The following SRGAP3 variants were observed in gnomAD, a reference collection of about 807,000 sequenced individuals.
SRGAP3 encodes SLIT-ROBO Rho GTPase activating protein 3, also known as SLIT-ROBO Rho GTPase-activating protein 3.
In SRGAP3, 39 loss-of-function variants were observed where a neutral mutation model predicts 121.1. The observed-to-expected ratio is 0.32, with a 90% CI of 0.25 to 0.42. The LOEUF (loss-of-function observed/expected upper bound fraction) is 0.42. Ranked by LOEUF, SRGAP3 falls within the 10% of genes least tolerant of loss-of-function variation. The pLI is 1.00. For missense variants in SRGAP3, 1,213 were observed against 1,470.6 expected, an observed-to-expected ratio of 0.82 and a Z score of 2.86; for synonymous variants, 601 against 570.0, an observed-to-expected ratio of 1.05 and a Z score of -0.77.
At chr3:9,108,914 T>C (rs1948518407) in intron 2 of SRGAP3, among the ~76,000 whole-genome samples, 2 of 152,116 alleles carry the variant, frequency 1.3e-5, no homozygotes, top group Admixed American at 1.3e-4. Flanking sequence ...TCTTGGAAAC[T>C]TCCTGGAAAA....
intron 3 of SRGAP3, among the ~76,000 whole-genome samples, chr3:9,308,444 G>C (rs762038121): frequency 1.3e-5 from 2 of 152,306 alleles, no homozygotes; most frequent in Admixed American, 6.5e-5. Context: ...TAAAGAGCTA[G>C]AAGGAGAACT....
intron 2 of SRGAP3, among the ~76,000 whole-genome samples, chr3:9,120,295 A>G (rs1414503416): frequency 6.6e-6 from 1 of 152,244 alleles, no homozygotes; most frequent in African/African-American, 2.4e-5. Context: ...GCTTTTCAAT[A>G]GAAGTGACAT....
intron 1 of SRGAP3, among the ~76,000 whole-genome samples, chr3:9,135,601 T>C (rs1475275650): frequency 6.6e-6 from 1 of 152,240 alleles, no homozygotes; most frequent in Non-Finnish European, 1.5e-5. Flanking sequence ...CCTTGGGCAG[T>C]CAACTCAGTA....
At chr3:9,148,242 G>GGGGCTGATTGAGCA (rs113692131) in intron 1 of SRGAP3, among the ~76,000 whole-genome samples, 25,144 of 151,934 alleles carry the variant, frequency 0.17, 2,477 homozygotes, top group African/African-American at 0.27. Context: ...TTTTATTTCA[G>GGGGCTGATTGAGCA]GGACTGGAAG....
chr3:9,076,222 T>C (rs771819364), intron 4 of SRGAP3, among the ~76,000 whole-genome samples: 3 of 151,914 alleles, frequency 2.0e-5, no homozygotes, highest in Admixed American at 6.6e-5. Flanking sequence ...GCACAGAAAA[T>C]TGTGGTTGTT....
chr3:9,031,462 G>A lies in SRGAP3; in HGVS notation c.1539+1188C>T, dbSNP rs188216918. Among the ~76,000 whole-genome samples the A allele has an allele frequency of 3.0e-3, 450 of 152,164 alleles. 2 individuals carry two copies. The highest frequency in any genetic ancestry group is 0.01 in the African/African-American group (420 of 41,490). ...ATCCTCTACGCTTTGGTCTTCTTAG[G>A]CATCCTACAGCAGCCCCTGACATCC... is the stretch of plus-strand genomic sequence containing the variant. On this transcript the variant is annotated intron_variant, in intron 12 of 21. Coordinates refer to ENST00000383836, the MANE Select transcript of SRGAP3 (RefSeq NM_014850.4).
At chr3:9,347,489 T>C (rs923370743) in intron 1 of SRGAP3, among the ~76,000 whole-genome samples, 1 of 152,222 alleles carries the variant, frequency 6.6e-6, no homozygotes, top group Admixed American at 6.5e-5. Context: ...GAGCTACCGA[T>C]GAGCCTAATC....
rs146287162 is a variant in SRGAP3 at position 8,990,581 on chromosome 3, C to T, written c.2817G>A (p.Ser939=). The T allele has an allele frequency of 2.9e-4, 463 of 1,594,028 alleles. 3 individuals carry two copies. In the African/African-American group the frequency reaches 4.4e-3, roughly 15 times the overall value. Reference sequence around the variant, plus strand: ...TGCTGTGCCTGGTGGAACCGCAGGTCGACCTCATCGAGTGCCCTTCGGAGA... The same window carrying T: ...TGCTGTGCCTGGTGGAACCGCAGGTTGACCTCATCGAGTGCCCTTCGGAGA... ...KALSEGHSMR[S]TCGSTRHSSL... Residue 939 remains serine (S), a synonymous_variant, in exon 21 of 22, where the codon TCG becomes TCA. Transcript: ENST00000383836.
At chr3:9,203,622 G>A (rs1452891668) in intron 1 of SRGAP3, among the ~76,000 whole-genome samples, 5 of 152,158 alleles carry the variant, frequency 3.3e-5, no homozygotes, top group Non-Finnish European at 1.5e-5. Flanking sequence ...AATTGCAATT[G>A]TCTGCTTTTT....
At chr3:9,145,331 G>A (rs781481252) in intron 1 of SRGAP3, among the ~76,000 whole-genome samples, 1 of 152,138 alleles carries the variant, frequency 6.6e-6, no homozygotes, top group Admixed American at 6.5e-5. Context: ...CCTGACCTCA[G>A]GTGGTCCACT....
chr3:9,228,890 G>A lies in SRGAP3; in HGVS notation c.67+19995C>T, dbSNP rs555404110. On this transcript the variant is annotated intron_variant, in intron 1 of 21. Transcript: ENST00000383836. ...ATCCTGGCTAACATGGTGAAACCCC[G>A]TCTCTACTAAAAATACAAAAAATTA... is the stretch of plus-strand genomic sequence containing the variant. Among the ~76,000 whole-genome samples the A allele has an allele frequency of 7.3e-4, 110 of 151,460 alleles. 1 individual carries two copies. The East Asian group carries it at 0.018, about 24-fold the overall frequency.
At chr3:9,078,490 C>G (rs1947079827) in intron 4 of SRGAP3, among the ~76,000 whole-genome samples, 1 of 152,106 alleles carries the variant, frequency 6.6e-6, no homozygotes, top group African/African-American at 2.4e-5. Context: ...CAGCCTACCT[C>G]ACACCCATCA....
rs905453052 is a variant in SRGAP3, at chr3:9,268,892, G to A, written n.442+57118C>T. Among the ~76,000 whole-genome samples, 4 of 152,124 alleles carry A rather than the reference G, an allele frequency of 2.6e-5. No homozygotes were observed. The South Asian group carries it at 8.3e-4, about 32-fold the overall frequency. On this transcript the variant is annotated intron_variant and non_coding_transcript_variant, in intron 3 of 3. Transcript: ENST00000490889. Reference sequence around the variant, plus strand: ...TTTCCCCAGAAGTTCTGATATAGGTGCCTCTTGCTCCCTGAGACATCCAAC... The same window carrying A: ...TTTCCCCAGAAGTTCTGATATAGGTACCTCTTGCTCCCTGAGACATCCAAC...
At chr3:9,089,218 C>A (rs73811429) in intron 3 of SRGAP3, among the ~76,000 whole-genome samples, 1,532 of 143,062 alleles carry the variant, frequency 0.011, 27 homozygotes, top group African/African-American at 0.038. Flanking sequence ...CAAAGTCACT[C>A]CCATGTGTTA....
intron 3 of SRGAP3, among the ~76,000 whole-genome samples, chr3:9,259,983 G>C (rs560071050): frequency 6.6e-6 from 1 of 151,894 alleles, no homozygotes; most frequent in Admixed American, 6.6e-5. Context: ...TAGACAGTGG[G>C]TACAGCCCAC....
At chr3:9,267,684 T>A (rs1206887010) in intron 3 of SRGAP3, among the ~76,000 whole-genome samples, 2 of 152,178 alleles carry the variant, frequency 1.3e-5, no homozygotes, top group African/African-American at 4.8e-5. Context: ...AGATGTATTT[T>A]CTCTGGTACT....
chr3:9,190,403 T>G (rs1298422907), intron 1 of SRGAP3, among the ~76,000 whole-genome samples: 6 of 152,120 alleles, frequency 3.9e-5, no homozygotes, highest in African/African-American at 1.4e-4. Context: ...CATGAACAGA[T>G]AGGTTTCGCC....
chr3:9,089,581 T>C (rs1050989511), intron 3 of SRGAP3, among the ~76,000 whole-genome samples: 3 of 152,192 alleles, frequency 2.0e-5, no homozygotes, highest in Admixed American at 1.3e-4. Flanking sequence ...CACTTTCTTA[T>C]CACCTGTGCA....
At chr3:9,114,804 C>CT (rs1267970865) in intron 2 of SRGAP3, among the ~76,000 whole-genome samples, 1 of 152,116 alleles carries the variant, frequency 6.6e-6, no homozygotes, top group Non-Finnish European at 1.5e-5. Context: ...CGATCCATGG[C>CT]TTCCTGATTG....
Sources: allele counts gnomAD v4.1 joint callset (sites outside exome capture counted in the v4.1 genomes callset), GRCh38; gene constraint gnomAD v4.1.1; transcripts MANE v1.5; gene names NCBI Gene and HGNC (gene_info 2026-07-23, HGNC 2026-07-21).